The following PDE10A variants were observed in gnomAD, a reference collection of about 807,000 sequenced individuals.
The protein encoded by PDE10A is phosphodiesterase 10A.
PDE10A carries 39 observed loss-of-function variants against 97.7 expected under a neutral mutation model. The ratio of observed to expected loss-of-function variants is 0.40; its 90% CI spans 0.31 to 0.52. PDE10A has a LOEUF of 0.52. Ranked by LOEUF, PDE10A falls within the 20% of genes least tolerant of loss-of-function variation. PDE10A has a pLI of 0.56. For synonymous variants in PDE10A, 371 were observed against 376.8 expected (o/e 0.98, Z 0.18); for missense variants, 731 against 1,047.8 (o/e 0.70, Z 4.17).
At chr6:165,635,640 A>G (rs902113547) in intron 1 of PDE10A, among the ~76,000 whole-genome samples, 4 of 152,236 alleles carry the variant, frequency 2.6e-5, no homozygotes, top group Non-Finnish European at 5.9e-5. Context: ...TATGAATTCT[A>G]TAAAATTTAT....
intron 1 of PDE10A, among the ~76,000 whole-genome samples, chr6:165,610,042 C>T (rs1162826671): frequency 6.6e-6 from 1 of 152,188 alleles, no homozygotes; most frequent in Non-Finnish European, 1.5e-5. Context: ...AAAGAGCCCG[C>T]TTTGCCAAGT....
intron 1 of PDE10A, among the ~76,000 whole-genome samples, chr6:165,952,688 C>G (rs147493327): frequency 3.3e-5 from 5 of 152,200 alleles, no homozygotes; most frequent in Non-Finnish European, 7.3e-5. Context: ...CTGCACGGGA[C>G]GGAAAGCGCA....
Position 165,906,089 on chromosome 6 carries a change from C to CCTTCCTTT in PDE10A, c.-615+81432_-615+81439dup, listed in dbSNP as rs1270993824. 4.0e-5 allele frequency among the ~76,000 whole-genome samples: 3 copies of CCTTCCTTT among 74,962 alleles called. 1 individual carries two copies. The highest frequency in any genetic ancestry group is 8.1e-5 in the Non-Finnish European group (3 of 37,216). 49.2% of individuals were successfully genotyped at this position (74,962 alleles called of 152,430 possible). A position where few individuals can be genotyped will look rare whatever the true frequency, so the allele number is the denominator to read the frequency against. ...CCGTCCCTTCCTTCCTCCCTCCCTC[C>CCTTCCTTT]CTTCCTTTCTTCCTTTCTTCCTTCC... is the stretch of plus-strand genomic sequence containing the variant. On this transcript the variant is annotated intron_variant, in intron 1 of 19. Coordinates refer to the PDE10A transcript ENST00000366882.
intron 1 of PDE10A, among the ~76,000 whole-genome samples, chr6:165,767,397 A>G (rs1028965225): frequency 3.3e-5 from 5 of 152,224 alleles, no homozygotes; most frequent in East Asian, 1.9e-4. Context: ...GAACATTTTC[A>G]TAACCCGCAA....
chr6:165,383,829 G>A (rs946751967), intron 17 of PDE10A, among the ~76,000 whole-genome samples: 2 of 152,142 alleles, frequency 1.3e-5, no homozygotes, highest in African/African-American at 4.8e-5. Flanking sequence ...TATGTAAAAG[G>A]GGGCAGTGCT....
chr6:165,609,483 A>G (rs1345574699), intron 1 of PDE10A, among the ~76,000 whole-genome samples: 1 of 152,204 alleles, frequency 6.6e-6, no homozygotes, highest in African/African-American at 2.4e-5. Context: ...TTCCTATTCA[A>G]CATAGTGTTG....
In PDE10A at chr6:165,338,847, T is replaced by C. The variant is rs535847135; in HGVS notation, c.2976+431A>G. Among the ~76,000 whole-genome samples, 25 of 152,340 alleles carry C rather than the reference T, an allele frequency of 1.6e-4. No homozygotes were observed. In the East Asian group the frequency reaches 4.6e-3, roughly 28 times the overall value. ...TTCCTAACCTTGGTCTTACTCCATC[T>C]AAATGGAGAAGGTTTCAAGTGGTTC... On this transcript the variant is annotated intron_variant, in intron 20 of 21. Coordinates refer to ENST00000539869, the MANE Select transcript of PDE10A (RefSeq NM_001385079.1).
At position 165,663,091 on chromosome 6, in the gene PDE10A, G is replaced by A. The variant is rs902152039; in HGVS notation, c.-280C>T. 5.9e-5 allele frequency among the ~76,000 whole-genome samples: 9 copies of A among 151,680 alleles called. No individual in the cohort carries two copies. Among genetic ancestry groups the A allele is most frequent in the Admixed American group, 5.9e-4 (9 of 15,252 alleles). ...CGGCGTCCTCCCGGGCCGGGGCTAG[G>A]GACGGCGGAGACCCTCCCTGCAGGC... On this transcript the variant is annotated 5_prime_UTR_variant, in exon 1 of 22. Transcript: ENST00000539869.
intron 1 of PDE10A, among the ~76,000 whole-genome samples, chr6:165,543,941 GATATTACATC>G (rs532398403): frequency 6.6e-5 from 10 of 152,046 alleles, no homozygotes; most frequent in Non-Finnish European, 1.5e-4. Flanking sequence ...TTAAACTACA[GATATTACATC>G]ATGTTACATA....
chr6:165,783,433 A>C (rs902310258), intron 1 of PDE10A, among the ~76,000 whole-genome samples: 2 of 152,212 alleles, frequency 1.3e-5, no homozygotes, highest in Non-Finnish European at 2.9e-5. Context: ...ATTTCTATAG[A>C]AGGAATGAAT....
At chr6:165,383,720 G>A (rs1785073380) in intron 17 of PDE10A, among the ~76,000 whole-genome samples, 1 of 152,056 alleles carries the variant, frequency 6.6e-6, no homozygotes, top group Non-Finnish European at 1.5e-5. Context: ...CAGAAGAAGT[G>A]GGAAGCTAAA....
At chr6:165,379,140 A>T in intron 18 of PDE10A, 54 bp downstream of exon 18, 1 of 1,223,960 alleles carries the variant, frequency 8.2e-7, no homozygotes, top group South Asian at 1.4e-5. Context: ...TTAAGTATCA[A>T]TTTATTCCAG....
At position 165,379,214 on chromosome 6, in the gene PDE10A, G is replaced by A; in HGVS notation, c.2763C>T (p.Asn921=). Residue 921 remains asparagine (N), a synonymous_variant, in exon 18 of 22, where the codon AAC becomes AAT. Transcript: ENST00000539869. The stretch of plus-strand genomic sequence containing the variant: ...TTTACCTATGTGATTGATTATTAAG[G>A]TTTAGTGATCCGGTCTGGTACATCT... The part of the protein sequence containing the change: ...LEEMYQTGSL[N]LNNQSHRDRV... 3 of 1,610,118 alleles carry A rather than the reference G, an allele frequency of 1.9e-6. No homozygotes were observed. The highest frequency in any genetic ancestry group is 2.5e-6 in the Non-Finnish European group (3 of 1,178,500).
chr6:165,838,226 C>A (rs1415223915), intron 1 of PDE10A, among the ~76,000 whole-genome samples: 1 of 152,186 alleles, frequency 6.6e-6, no homozygotes, highest in Admixed American at 6.5e-5. Flanking sequence ...TCCCATTCAC[C>A]ATTTCCTGTA....
Position 165,656,256 on chromosome 6 carries a change from TCTCA to T in PDE10A, c.865+5687_865+5690del, listed in dbSNP as rs1554301092. On this transcript the variant is annotated intron_variant, in intron 1 of 21. Coordinates refer to ENST00000539869, the MANE Select transcript of PDE10A (RefSeq NM_001385079.1). Reference sequence around the variant, plus strand: ...CCCCAACTCTCTCTCTCTCTCTCTCTCTCACACACACACACACACACACACACAC... The same window carrying T: ...CCCCAACTCTCTCTCTCTCTCTCTCTCACACACACACACACACACACACAC... Among the ~76,000 whole-genome samples, 352 of 106,748 alleles carry T rather than the reference TCTCA, an allele frequency of 3.3e-3. 1 individual carries two copies. Among genetic ancestry groups the T allele is most frequent in the South Asian group, 0.017 (49 of 2,886 alleles). 70.0% of individuals were successfully genotyped at this position (106,748 alleles called of 152,430 possible). A position where few individuals can be genotyped will look rare whatever the true frequency, so the allele number is the denominator to read the frequency against.
intron 1 of PDE10A, among the ~76,000 whole-genome samples, chr6:165,591,535 G>A (rs899013299): frequency 6.6e-6 from 1 of 152,134 alleles, no homozygotes; most frequent in Non-Finnish European, 1.5e-5. Context: ...GTATGGAATG[G>A]GTCACCAGAG....
intron 1 of PDE10A, among the ~76,000 whole-genome samples, chr6:165,752,318 G>A (rs779728940): frequency 6.6e-5 from 10 of 152,010 alleles, no homozygotes; most frequent in Non-Finnish European, 1.2e-4. Context: ...GTGAAGCCAA[G>A]GACCCTCTCA....
At chr6:165,965,509 T>C (rs1484384702) in intron 1 of PDE10A, among the ~76,000 whole-genome samples, 1 of 152,124 alleles carries the variant, frequency 6.6e-6, no homozygotes, top group Non-Finnish European at 1.5e-5. Context: ...GAGACTGCAT[T>C]CCAATCTAGA....
intron 1 of PDE10A, among the ~76,000 whole-genome samples, chr6:165,760,451 T>C (rs1013146781): frequency 6.6e-5 from 10 of 152,240 alleles, no homozygotes. Context: ...ACCAAGCTAA[T>C]ACGCTTAGTT....
Sources: gnomAD v4.1 joint callset for allele counts (sites outside exome capture counted in the v4.1 genomes callset) on GRCh38, gnomAD v4.1.1 for gene constraint, MANE v1.5 for transcripts, NCBI Gene and HGNC (gene_info 2026-07-23, HGNC 2026-07-21) for gene names.